Variants in RTN4 observed in about 807,000 individuals in gnomAD.
RTN4 encodes the protein reticulon 4.
In RTN4, 32 loss-of-function variants were observed where a neutral mutation model predicts 90.4. The ratio of observed to expected loss-of-function variants is 0.35; its 90% CI spans 0.27 to 0.48. The LOEUF is 0.48. RTN4 is among the 20% of genes least tolerant of loss of function. The probability of loss-of-function intolerance (pLI) is 0.99; values close to 1 mark genes in which losing one functional copy is unlikely to be tolerated. For synonymous variants in RTN4, 629 were observed against 552.5 expected (o/e 1.14, Z -1.94); for missense variants, 1,706 against 1,430.2 (o/e 1.19, Z -3.11).
At chr2:55,112,297 C>G (rs1668052726) in intron 1 of RTN4, among the ~76,000 whole-genome samples, 1 of 152,188 alleles carries the variant, frequency 6.6e-6, no homozygotes. Flanking sequence ...TACCCCCGGA[C>G]AGCAACCCCG....
Position 55,025,927 on chromosome 2 carries a change from A to G in RTN4, c.2172T>C (p.Val724=), listed in dbSNP as rs750160500. Residue 724 remains valine (V), a synonymous_variant, in exon 3 of 9, where the codon GTT becomes GTC. Transcript: ENST00000337526. ...DFSDYSEMAK[V]EQPVPDHSEL... is the part of the protein sequence containing the mutation. ...CAGAATGATCAGGCACTGGCTGTTC[A>G]ACTTTTGCCATTTCTGAATAATCAG... 1.2e-6 allele frequency: 2 copies of G among 1,612,914 alleles called. No individual in the cohort carries two copies. Among genetic ancestry groups the G allele is most frequent in the East Asian group, 4.5e-5 (2 of 44,874 alleles).
the RTN4 span, among the ~76,000 whole-genome samples, chr2:55,135,735 T>G: frequency 6.6e-6 from 1 of 152,190 alleles, no homozygotes; most frequent in South Asian, 2.1e-4. Context: ...CTGTAGTCCT[T>G]CCTGCCAATC....
upstream of RTN4, among the ~76,000 whole-genome samples, chr2:55,116,866 C>CA (rs1173918735): frequency 8.3e-6 from 1 of 119,870 alleles, no homozygotes; most frequent in African/African-American, 3.1e-5. Flanking sequence ...CTTTTTCTTT[C>CA]TTTTTTTCCT....
chr2:55,006,127 A>G (rs1338457468), intron 3 of RTN4, among the ~76,000 whole-genome samples: 1 of 152,160 alleles, frequency 6.6e-6, no homozygotes, highest in East Asian at 1.9e-4. Context: ...AAACCCTCCC[A>G]ACACACATTA....
chr2:55,072,816 T>G (rs1668539542), intron 2 of RTN4, among the ~76,000 whole-genome samples: 1 of 152,228 alleles, frequency 6.6e-6, no homozygotes, highest in Non-Finnish European at 1.5e-5. Context: ...ACTATTACTG[T>G]TTTCTGCCAT....
chr2:54,977,379 G>A (rs1227111343), intron 5 of RTN4, among the ~76,000 whole-genome samples: 1 of 149,920 alleles, frequency 6.7e-6, no homozygotes, highest in African/African-American at 2.5e-5. Context: ...GTGTTCTTCT[G>A]GGTCAGCTAT....
upstream of RTN4, among the ~76,000 whole-genome samples, chr2:55,051,856 A>G (rs1230909023): frequency 6.6e-6 from 1 of 152,190 alleles, no homozygotes; most frequent in Admixed American, 6.5e-5. Flanking sequence ...TATTAAATTA[A>G]TTTTACTTGT....
chr2:55,124,033 C>T, the RTN4 span, among the ~76,000 whole-genome samples: 1 of 152,124 alleles, frequency 6.6e-6, no homozygotes, highest in Non-Finnish European at 1.5e-5. Flanking sequence ...TGAGCAAAGG[C>T]AAAATAATGC....
At chr2:55,137,345 TGA>T in the RTN4 span, among the ~76,000 whole-genome samples, 1 of 152,198 alleles carries the variant, frequency 6.6e-6, no homozygotes, top group Non-Finnish European at 1.5e-5. Context: ...CATGCCGTGC[TGA>T]GGGTGACCTC....
At chr2:55,006,035 T>C (rs564261808) in intron 3 of RTN4, among the ~76,000 whole-genome samples, 4 of 152,292 alleles carry the variant, frequency 2.6e-5, no homozygotes, top group South Asian at 2.1e-4. Context: ...AATTAAAATA[T>C]TGTAGTCATT....
intron 2 of RTN4, among the ~76,000 whole-genome samples, chr2:55,075,975 A>G (rs1668592405): frequency 6.6e-6 from 1 of 152,226 alleles, no homozygotes; most frequent in Non-Finnish European, 1.5e-5. Context: ...TGAAACCACA[A>G]AAATTATAGA....
intron 3 of RTN4, among the ~76,000 whole-genome samples, chr2:55,019,681 T>A (rs1011689100): frequency 3.9e-5 from 6 of 152,092 alleles, no homozygotes; most frequent in African/African-American, 1.4e-4. Context: ...ACTGCTAATG[T>A]CATAACAAAT....
At chr2:55,076,024 C>G (rs374612824) in intron 2 of RTN4, among the ~76,000 whole-genome samples, 2 of 152,082 alleles carry the variant, frequency 1.3e-5, no homozygotes, top group East Asian at 1.9e-4. Flanking sequence ...CTGGTTTAGT[C>G]AAAGACTTCA....
At chr2:55,087,578 T>G (rs1478209116) in intron 1 of RTN4, among the ~76,000 whole-genome samples, 1 of 152,192 alleles carries the variant, frequency 6.6e-6, no homozygotes, top group Non-Finnish European at 1.5e-5. Flanking sequence ...ATTCTAGTTT[T>G]TCAAGTCTGA....
intron 2 of RTN4, among the ~76,000 whole-genome samples, chr2:55,077,411 A>G (rs775493071): frequency 6.6e-6 from 1 of 152,154 alleles, no homozygotes; most frequent in Non-Finnish European, 1.5e-5. Context: ...CAAAACCACA[A>G]TGCAATACCA....
At chr2:55,049,358 C>T (rs1010631829) in intron 1 of RTN4, among the ~76,000 whole-genome samples, 3 of 152,206 alleles carry the variant, frequency 2.0e-5, no homozygotes, top group Admixed American at 2.0e-4. Context: ...ATCTGGGTGC[C>T]AAGGCCTTTC....
At chr2:54,978,126 C>A (rs2919125) in intron 5 of RTN4, among the ~76,000 whole-genome samples, 139,968 of 152,252 alleles carry the variant, frequency 0.92, 64,502 homozygotes, top group Middle Eastern at 0.99. Context: ...GATGGTTTCA[C>A]ATGGAAATAG....
chr2:55,086,729 T>C (rs1668845745), intron 1 of RTN4, among the ~76,000 whole-genome samples: 1 of 152,086 alleles, frequency 6.6e-6, no homozygotes, highest in South Asian at 2.1e-4. Context: ...AGAAGCCCTT[T>C]TGGGGCCCCC....
Position 55,026,517 on chromosome 2 carries a change from C to G in RTN4, c.1582G>C (p.Asp528His). The change falls in exon 3 of 9, where the codon GAT becomes CAT. Residue 528 changes from aspartate (D) to histidine (H), a missense_variant. Coordinates refer to ENST00000337526, the MANE Select transcript of RTN4 (RefSeq NM_020532.5). Reference sequence around the variant, plus strand: ...GTTAAATTATCTGTTGTGACATAATCTGTCTCAGAATCCTGTGCTGCTACA... The same window carrying G: ...GTTAAATTATCTGTTGTGACATAATGTGTCTCAGAATCCTGTGCTGCTACA... Reference protein sequence around the residue: ...FLVAAQDSETDYVTTDNLTKV... With the variant: ...FLVAAQDSETHYVTTDNLTKV... 6.2e-7 allele frequency: 1 copy of G among 1,613,946 alleles called. No individual in the cohort carries two copies. The highest frequency in any genetic ancestry group is 8.5e-7 in the Non-Finnish European group (1 of 1,179,938).
Sources: gnomAD v4.1 joint callset for allele counts (sites outside exome capture counted in the v4.1 genomes callset) on GRCh38, gnomAD v4.1.1 for gene constraint, MANE v1.5 for transcripts, NCBI Gene and HGNC (gene_info 2026-07-23, HGNC 2026-07-21) for gene names.